MARK2: variants seen among roughly 807,000 people sequenced by gnomAD.
The protein encoded by MARK2 is microtubule affinity regulating kinase 2, also known as serine/threonine-protein kinase MARK2.
A neutral mutation model predicts 89.8 loss-of-function variants in MARK2; 16 were observed. That is an observed-to-expected ratio of 0.18 (90% CI 0.12 to 0.27). MARK2 has a LOEUF of 0.27. Among genes scored for constraint, MARK2 ranks in the 10% least tolerant of loss-of-function variants. The pLI is 1.00. For synonymous variants in MARK2, 382 were observed against 399.5 expected (o/e 0.96, Z 0.52); for missense variants, 621 against 1,049.9 (o/e 0.59, Z 5.65).
intron 1 of MARK2, among the ~76,000 whole-genome samples, chr11:63,874,962 C>A (rs2135272797): frequency 6.6e-6 from 1 of 151,972 alleles, no homozygotes; most frequent in Non-Finnish European, 1.5e-5. Flanking sequence ...ATTCCTTCTC[C>A]TTTTTTAAGA....
chr11:63,873,122 C>T (rs1226005184), intron 1 of MARK2, among the ~76,000 whole-genome samples: 1 of 152,060 alleles, frequency 6.6e-6, no homozygotes, highest in Non-Finnish European at 1.5e-5. Context: ...GATGGTGACC[C>T]AGCTAGATGT....
intron 1 of MARK2, among the ~76,000 whole-genome samples, chr11:63,860,409 G>A (rs187761637): frequency 4.1e-4 from 60 of 145,152 alleles, no homozygotes; most frequent in Admixed American, 3.1e-3. Context: ...AAAATTAGCC[G>A]GGCGTGGTGG....
At chr11:63,878,275 A>C (rs1162631296) in intron 1 of MARK2, among the ~76,000 whole-genome samples, 1 of 144,620 alleles carries the variant, frequency 6.9e-6, no homozygotes, top group Non-Finnish European at 1.5e-5. Context: ...CCTCATCTCC[A>C]TTTGGGTTTA....
intron 1 of MARK2, among the ~76,000 whole-genome samples, chr11:63,878,971 T>C (rs557433505): frequency 2.0e-5 from 3 of 152,282 alleles, no homozygotes; most frequent in East Asian, 1.9e-4. Context: ...TTGACTAATA[T>C]GCTGCAACAG....
At chr11:63,878,526 C>A (rs1295302724) in intron 1 of MARK2, among the ~76,000 whole-genome samples, 1 of 151,950 alleles carries the variant, frequency 6.6e-6, no homozygotes, top group Non-Finnish European at 1.5e-5. Context: ...CCCACCACCA[C>A]GCCCGGCTAA....
intron 1 of MARK2, among the ~76,000 whole-genome samples, chr11:63,856,666 G>A (rs943813188): frequency 2.7e-5 from 4 of 150,454 alleles, no homozygotes; most frequent in East Asian, 2.0e-4. Context: ...TAAGTGATCC[G>A]CCAACCTCGG....
chr11:63,853,691 C>T (rs1168994271), intron 1 of MARK2, among the ~76,000 whole-genome samples: 2 of 152,052 alleles, frequency 1.3e-5, no homozygotes, highest in African/African-American at 4.8e-5. Flanking sequence ...CTGCTGACGC[C>T]GTAACATGGA....
Position 63,910,898 on chromosome 11 carries a change from G to T in MARK2, c.*1661G>T, listed in dbSNP as rs569154793. On this transcript the variant is annotated 3_prime_UTR_variant, in exon 19 of 19. Coordinates refer to ENST00000402010, the MANE Select transcript of MARK2 (RefSeq NM_001039469.3). ...GGAGGGCATGGCTTGGCTCCCAAAG[G>T]GGGTAGGGGCCCGGGGCACCCAGGC... is the stretch of plus-strand genomic sequence containing the variant. The T allele has an allele frequency of 3.3e-5, 5 of 152,360 alleles. No individual in the cohort carries two copies. The highest frequency in any genetic ancestry group is 1.2e-4 in the African/African-American group (5 of 41,568). The allele number at this position is 152,360 out of a possible 1,614,324, so 9.4% of individuals were successfully genotyped here.
intron 3 of MARK2, among the ~76,000 whole-genome samples, chr11:63,895,905 A>G (rs1049084517): frequency 6.6e-6 from 1 of 151,840 alleles, no homozygotes; most frequent in Non-Finnish European, 1.5e-5. Context: ...CCTGACCTCA[A>G]GTGATCCGCT....
At chr11:63,867,587 T>G (rs1353343936) in intron 1 of MARK2, among the ~76,000 whole-genome samples, 1 of 152,198 alleles carries the variant, frequency 6.6e-6, no homozygotes, top group Non-Finnish European at 1.5e-5. Context: ...GGCTTTATTT[T>G]CAACTTGGGT....
At chr11:63,908,109 T>C in intron 17 of MARK2, 151 bp from the exon 18 acceptor site, 1 of 661,338 alleles carries the variant, frequency 1.5e-6, no homozygotes, top group Non-Finnish European at 2.7e-6. Context: ...CAGAGCCCTG[T>C]TGGCTTGCCA....
At chr11:63,876,291 T>C (rs2135276336) in intron 1 of MARK2, among the ~76,000 whole-genome samples, 1 of 152,370 alleles carries the variant, frequency 6.6e-6, no homozygotes, top group East Asian at 1.9e-4. Context: ...CTTTTGGAGA[T>C]ACAGAGAATT....
At position 63,900,709 on chromosome 11, in the gene MARK2, CCTGGGG is replaced by C; in HGVS notation, c.888+32_888+37del. 1 of 1,613,694 alleles carries C rather than the reference CCTGGGG, an allele frequency of 6.2e-7. No homozygotes were observed. Among genetic ancestry groups the C allele is most frequent in the Non-Finnish European group, 8.5e-7 (1 of 1,179,626 alleles). On this transcript the variant is annotated intron_variant, in intron 9 of 18. Transcript: ENST00000402010. The surrounding 1 kb of genome is among the most constrained non-coding windows in gnomAD (Gnocchi z 4.7). ...CAGTGGAGCCCAACTGGCGGAAGGGCCTGGGGTCCCCACAGAAACTTTCCAGCTGAG... is the reference window on the plus strand; with the variant it reads ...CAGTGGAGCCCAACTGGCGGAAGGGCTCCCCACAGAAACTTTCCAGCTGAG...
Position 63,903,683 on chromosome 11 carries a change from C to T in MARK2, c.1515-303C>T, listed in dbSNP as rs911945395. The stretch of plus-strand genomic sequence containing the variant: ...CACTCTTTCTGTAGAAGAAACTCTC[C>T]TGTTCTTAAAATTCTTAGGAGGCCA... On this transcript the variant is annotated intron_variant, in intron 14 of 18. Coordinates refer to ENST00000402010, the MANE Select transcript of MARK2 (RefSeq NM_001039469.3). The surrounding 1 kb of genome is among the most constrained non-coding windows in gnomAD (Gnocchi z 5.1). Among the ~76,000 whole-genome samples the T allele has an allele frequency of 3.9e-5, 6 of 152,176 alleles. No homozygotes were observed. Among genetic ancestry groups the T allele is most frequent in the Non-Finnish European group, 7.4e-5 (5 of 68,026 alleles).
chr11:63,898,148 AAAAC>A (rs1224860947), intron 3 of MARK2, 80 bp from the exon 4 acceptor site: 2 of 1,282,554 alleles, frequency 1.6e-6, no homozygotes, highest in Admixed American at 1.9e-5. Context: ...TTTTTTGGGA[AAAAC>A]AAATCCTGGC....
rs1265697640 is a variant in MARK2, at chr11:63,902,295, C to T, written c.1199C>T (p.Ser400Leu). The T allele has an allele frequency of 1.9e-6, 3 of 1,614,126 alleles. No homozygotes were observed. Among genetic ancestry groups the T allele is most frequent in the Admixed American group, 1.7e-5 (1 of 60,014 alleles). ...TCCCACAAGGTACAGCGCAGCGTGTCGGCCAATCCCAAGCAGCGGCGCTTC... is the reference window on the plus strand; with the variant it reads ...TCCCACAAGGTACAGCGCAGCGTGTTGGCCAATCCCAAGCAGCGGCGCTTC... ...SPSHKVQRSV[S>L]ANPKQRRFSD... Residue 400 changes from serine to leucine, a missense_variant, in exon 12 of 19, where the codon TCG becomes TTG. Transcript: ENST00000402010. The surrounding 1 kb of genome is among the most constrained non-coding windows in gnomAD (Gnocchi z 4.2).
At chr11:63,852,423 A>C (rs1464737038) in intron 1 of MARK2, among the ~76,000 whole-genome samples, 1 of 152,078 alleles carries the variant, frequency 6.6e-6, no homozygotes, top group Non-Finnish European at 1.5e-5. Context: ...GCTTGTAAAA[A>C]CTTTTGGGAA....
chr11:63,871,095 T>C (rs927209399), intron 1 of MARK2, among the ~76,000 whole-genome samples: 3 of 152,068 alleles, frequency 2.0e-5, no homozygotes, highest in African/African-American at 7.2e-5. Flanking sequence ...AAATCAGTTA[T>C]GTTTGTGTGT....
At position 63,909,843 on chromosome 11, in the gene MARK2, G is replaced by C. The variant is rs1056113945; in HGVS notation, c.*606G>C. 1.7e-4 allele frequency: 26 copies of C among 152,562 alleles called. No homozygotes were observed. The highest frequency in any genetic ancestry group is 5.8e-4 in the African/African-American group (24 of 41,578). 9.5% of individuals were successfully genotyped at this position (152,562 alleles called of 1,614,324 possible). On this transcript the variant is annotated 3_prime_UTR_variant, in exon 19 of 19. Transcript: ENST00000402010. ...GCTGGAGGCCTGGGCGGTGGGGCAGGGGGCGGGGGTGCTGCGCAGCCCTGC... is the reference window on the plus strand; with the variant it reads ...GCTGGAGGCCTGGGCGGTGGGGCAGCGGGCGGGGGTGCTGCGCAGCCCTGC...
Sources: allele counts gnomAD v4.1 joint callset (sites outside exome capture counted in the v4.1 genomes callset), GRCh38; gene constraint gnomAD v4.1.1; non-coding constraint Gnocchi (gnomAD v3.1); transcripts MANE v1.5; gene names NCBI Gene and HGNC (gene_info 2026-07-23, HGNC 2026-07-21).